SLC27A6: variants seen among roughly 807,000 people sequenced by gnomAD.
SLC27A6 encodes solute carrier family 27 member 6, also known as long-chain fatty acid transport protein 6.
In SLC27A6, 74 loss-of-function variants were observed where a neutral mutation model predicts 63.9. The ratio of observed to expected loss-of-function variants is 1.16; its 90% confidence interval spans 0.96 to 1.40. SLC27A6 has a LOEUF of 1.40. SLC27A6 is among the 40% of genes most tolerant of loss of function. The pLI is 0.00. For synonymous variants in SLC27A6, 287 were observed against 260.8 expected, an observed-to-expected ratio of 1.10 and a Z score of -0.97; for missense variants, 794 against 732.9, an observed-to-expected ratio of 1.08 and a Z score of -0.96.
At position 129,023,719 on chromosome 5, in the gene SLC27A6, TC is replaced by T. The variant is rs1315695570; in HGVS notation, c.1255+10del. 1 of 1,585,260 alleles carries T rather than the reference TC, an allele frequency of 6.3e-7. No individual in the cohort carries two copies. The highest frequency in any genetic ancestry group is 8.6e-7 in the Non-Finnish European group (1 of 1,157,378). ...TATTCATGTGAAAAAAGGTAAGACT[TC>T]TATTTGAAGACATCTCCTCAAGCAA... On this transcript the variant is annotated intron_variant, in intron 6 of 9. Transcript: ENST00000262462.
At chr5:128,984,249 A>G (rs1750708858) in intron 1 of SLC27A6, among the ~76,000 whole-genome samples, 1 of 152,222 alleles carries the variant, frequency 6.6e-6, no homozygotes, top group African/African-American at 2.4e-5. Context: ...TATAGGAATG[A>G]TGACATTGTT....
chr5:128,986,155 A>T (rs79885550), intron 2 of SLC27A6, among the ~76,000 whole-genome samples: 23 of 152,208 alleles, frequency 1.5e-4, no homozygotes, highest in African/African-American at 5.5e-4. Context: ...GTACAAAAAA[A>T]TTAAAAAAAA....
At chr5:128,990,521 A>G in intron 4 of SLC27A6, 57 bp downstream of exon 4, 1 of 1,511,270 alleles carries the variant, frequency 6.6e-7, no homozygotes, top group Non-Finnish European at 9.0e-7. Flanking sequence ...ATTGAGATAG[A>G]AAAGGTTATT....
rs1338199591 is a variant in SLC27A6 at position 128,985,483 on chromosome 5, T to C, written c.685+147T>C. ...GTAAGGATCTCAGAGGCTAGAACTT[T>C]CCAACTTGGATGGAAAGTTAATTAT... On this transcript the variant is annotated intron_variant, in intron 2 of 9. Coordinates refer to ENST00000262462, the MANE Select transcript of SLC27A6 (RefSeq NM_001017372.3). 4.7e-6 allele frequency: 3 copies of C among 635,148 alleles called. No homozygotes were observed. The Admixed American group carries it at 9.0e-5, about 19-fold the overall frequency. 39.3% of individuals were successfully genotyped at this position (635,148 alleles called of 1,614,324 possible).
chr5:128,989,184 C>T (rs879255970), intron 3 of SLC27A6, among the ~76,000 whole-genome samples: 1 of 152,184 alleles, frequency 6.6e-6, no homozygotes, highest in Non-Finnish European at 1.5e-5. Flanking sequence ...AGCCTAGATT[C>T]AAGATTCCAG....
chr5:128,991,416 A>G (rs142840759), intron 4 of SLC27A6, among the ~76,000 whole-genome samples: 2 of 152,338 alleles, frequency 1.3e-5, no homozygotes, highest in East Asian at 3.9e-4. Context: ...GACAAGTGAA[A>G]GAAAATAAAC....
At chr5:128,973,541 C>T (rs1211949784) in intron 1 of SLC27A6, among the ~76,000 whole-genome samples, 1 of 152,206 alleles carries the variant, frequency 6.6e-6, no homozygotes. Context: ...GCTGTGCTAG[C>T]AGTGAGCAAG....
chr5:128,986,948 A>G (rs2150134947), intron 2 of SLC27A6, among the ~76,000 whole-genome samples: 1 of 152,294 alleles, frequency 6.6e-6, no homozygotes, highest in Admixed American at 6.5e-5. Context: ...GTAGAAAATA[A>G]ATGTGAAACT....
rs372538091 is a variant in SLC27A6, at chr5:129,030,528, T to C, written c.1683+821T>C. 5.6e-4 allele frequency among the ~76,000 whole-genome samples: 85 copies of C among 152,190 alleles called. No individual in the cohort carries two copies. The South Asian group carries it at 0.016, about 29-fold the overall frequency. On this transcript the variant is annotated intron_variant, in intron 9 of 9. Coordinates refer to ENST00000262462, the MANE Select transcript of SLC27A6 (RefSeq NM_001017372.3). ...ATTCAATGGGACACATCCTCTGAAC[T>C]ATCATAATACCTATTTCATCTCTCT...
intron 5 of SLC27A6, among the ~76,000 whole-genome samples, chr5:129,019,779 A>G (rs1009953167): frequency 6.6e-6 from 1 of 152,060 alleles, no homozygotes; most frequent in African/African-American, 2.4e-5. Flanking sequence ...GAGTCCCACA[A>G]ACACAATAAA....
At chr5:128,969,547 C>G (rs1750054539) in intron 1 of SLC27A6, among the ~76,000 whole-genome samples, 1 of 152,158 alleles carries the variant, frequency 6.6e-6, no homozygotes, top group African/African-American at 2.4e-5. Flanking sequence ...GGAGATCACT[C>G]ATGATTTGGC....
chr5:129,016,516 A>G (rs371465532), intron 5 of SLC27A6, among the ~76,000 whole-genome samples: 1 of 148,428 alleles, frequency 6.7e-6, no homozygotes, highest in Admixed American at 6.8e-5. Flanking sequence ...GAGAATTTCT[A>G]GAAATAGAGT....
intron 1 of SLC27A6, among the ~76,000 whole-genome samples, chr5:128,970,725 A>G (rs1580697465): frequency 1.3e-5 from 2 of 151,544 alleles, no homozygotes; most frequent in East Asian, 3.9e-4. Flanking sequence ...GGATTCTTTG[A>G]TTTTTTGAAG....
intron 1 of SLC27A6, among the ~76,000 whole-genome samples, chr5:128,980,546 G>C (rs976961541): frequency 6.6e-6 from 1 of 152,128 alleles, no homozygotes; most frequent in African/African-American, 2.4e-5. Flanking sequence ...CCATTCTTGG[G>C]CAATAATTTT....
At chr5:129,016,527 A>G (rs973600308) in intron 5 of SLC27A6, among the ~76,000 whole-genome samples, 4 of 150,414 alleles carry the variant, frequency 2.7e-5, no homozygotes, top group Non-Finnish European at 4.4e-5. Flanking sequence ...GAAATAGAGT[A>G]GTGGCCTCAG....
chr5:129,012,097 TA>T (rs1157901749), intron 4 of SLC27A6, among the ~76,000 whole-genome samples: 2 of 151,778 alleles, frequency 1.3e-5, no homozygotes, highest in Non-Finnish European at 2.9e-5. Context: ...TTTTATAATA[TA>T]AAAATACGTA....
intron 5 of SLC27A6, 26 bp downstream of exon 5, chr5:129,016,105 A>G (rs1429615650): frequency 1.3e-6 from 2 of 1,523,332 alleles, no homozygotes; most frequent in Admixed American, 2.1e-5. Context: ...TCCTTATTAA[A>G]GAAATACATC....
intron 9 of SLC27A6, 100 bp from the exon 10 acceptor site, chr5:129,033,006 T>G: frequency 1.6e-6 from 1 of 610,146 alleles, no homozygotes; most frequent in South Asian, 3.6e-5. Flanking sequence ...TCACTAGATA[T>G]AAAGTGTCAT....
intron 4 of SLC27A6, among the ~76,000 whole-genome samples, chr5:128,997,150 TA>T (rs1751188086): frequency 6.6e-6 from 1 of 152,182 alleles, no homozygotes; most frequent in South Asian, 2.1e-4. Flanking sequence ...AGTAACTTTT[TA>T]AAAATAGCAT....
Sources: gnomAD v4.1 joint callset for allele counts (sites outside exome capture counted in the v4.1 genomes callset) on GRCh38, gnomAD v4.1.1 for gene constraint, MANE v1.5 for transcripts, NCBI Gene and HGNC (gene_info 2026-07-23, HGNC 2026-07-21) for gene names.